Variants in GRAP2 observed in about 807,000 individuals in gnomAD.
GRAP2 encodes GRB2 related adaptor protein 2.
Under a neutral mutation model 43.5 loss-of-function variants are expected in GRAP2, and 31 were observed. The ratio of observed to expected loss-of-function variants is 0.71; its 90% confidence interval spans 0.54 to 0.96. GRAP2 has a LOEUF of 0.96. GRAP2 is among the 40% of genes least tolerant of loss of function. The pLI is 0.00. For missense variants in GRAP2, 371 were observed against 424.4 expected, an observed-to-expected ratio of 0.87 and a Z score of 1.11; for synonymous variants, 156 against 164.8, an observed-to-expected ratio of 0.95 and a Z score of 0.41.
chr22:39,969,614 C>T (rs1190506105), intron 7 of GRAP2, 81 bp downstream of exon 7: 5 of 1,475,538 alleles, frequency 3.4e-6, no homozygotes, highest in Non-Finnish European at 4.7e-6. Flanking sequence ...GCAGGAGAGA[C>T]TCAAACCACA....
chr22:39,902,207 G>A lies in GRAP2; in HGVS notation c.-15+877G>A, dbSNP rs150661689. Among the ~76,000 whole-genome samples the A allele has an allele frequency of 3.0e-4, 46 of 152,274 alleles. 1 individual carries two copies. The highest frequency in any genetic ancestry group is 1.0e-3 in the African/African-American group (43 of 41,552). On this transcript the variant is annotated intron_variant, in intron 1 of 7. Coordinates refer to ENST00000344138, the MANE Select transcript of GRAP2 (RefSeq NM_004810.4). ...AATGGGAAAAATTTCGTGTGTTCTC[G>A]TTATGTTATCTGAGGATGGGAAACT...
chr22:39,905,954 A>G (rs2066520084), intron 1 of GRAP2, among the ~76,000 whole-genome samples: 1 of 152,228 alleles, frequency 6.6e-6, no homozygotes, highest in Admixed American at 6.5e-5. Flanking sequence ...ATTCATCTGA[A>G]TAAGAACAGC....
At chr22:39,960,415 T>C in intron 4 of GRAP2, 1 of 462,792 alleles carries the variant, frequency 2.2e-6, no homozygotes. Context: ...TGCCTCCCCT[T>C]CTAGCCCAGG....
Position 39,912,950 on chromosome 22 carries a change from T to G in GRAP2, c.-15+11620T>G, listed in dbSNP as rs561074716. ...GCTCACACCTGTAATCCCAGCACTT[T>G]GGGTGTCCGAGGCGGGTGGATCATC... On this transcript the variant is annotated intron_variant, in intron 1 of 7. Transcript: ENST00000344138. Among the ~76,000 whole-genome samples, 7 of 152,072 alleles carry G rather than the reference T, an allele frequency of 4.6e-5. 1 individual carries two copies. In the South Asian group the frequency reaches 1.5e-3, roughly 32 times the overall value.
At chr22:39,959,879 C>G (rs2067098385) in intron 3 of GRAP2, among the ~76,000 whole-genome samples, 176 bp from the exon 4 acceptor site, 1 of 152,194 alleles carries the variant, frequency 6.6e-6, no homozygotes, top group Non-Finnish European at 1.5e-5. Context: ...GCTCCCTCGC[C>G]TTTCCTGAAA....
intron 1 of GRAP2, among the ~76,000 whole-genome samples, chr22:39,943,320 T>C (rs2066889156): frequency 6.6e-6 from 1 of 152,198 alleles, no homozygotes; most frequent in African/African-American, 2.4e-5. Flanking sequence ...TTTAAGATTT[T>C]TTTGGTAGTA....
intron 2 of GRAP2, chr22:39,947,747 G>T (rs2066939087): frequency 6.5e-6 from 1 of 153,324 alleles, no homozygotes; most frequent in South Asian, 2.0e-4. Flanking sequence ...TTTAAAGCTT[G>T]TCCTCATCCT....
chr22:39,932,775 A>C (rs1036068732), intron 1 of GRAP2, among the ~76,000 whole-genome samples: 1 of 152,078 alleles, frequency 6.6e-6, no homozygotes, highest in Non-Finnish European at 1.5e-5. Context: ...AGTGCCTACT[A>C]TGTGCCAGAC....
chr22:39,932,014 A>T (rs1021612421), intron 1 of GRAP2, among the ~76,000 whole-genome samples: 6 of 152,172 alleles, frequency 3.9e-5, no homozygotes, highest in African/African-American at 7.2e-5. Context: ...AACCTTCACT[A>T]GAACATCTAA....
At chr22:39,962,373 A>G (rs2067128341) in intron 4 of GRAP2, among the ~76,000 whole-genome samples, 1 of 152,146 alleles carries the variant, frequency 6.6e-6, no homozygotes, top group Non-Finnish European at 1.5e-5. Context: ...GTGAGCCAAG[A>G]TCGATCGCAC....
intron 5 of GRAP2, among the ~76,000 whole-genome samples, 163 bp downstream of exon 5, chr22:39,966,321 G>A (rs576842201): frequency 1.3e-4 from 20 of 152,138 alleles, no homozygotes; most frequent in Non-Finnish European, 2.8e-4. Context: ...CTTCCTAGTC[G>A]TGTGACTTTG....
intron 1 of GRAP2, among the ~76,000 whole-genome samples, chr22:39,936,937 C>T (rs2066812887): frequency 6.6e-6 from 1 of 152,140 alleles, no homozygotes; most frequent in African/African-American, 2.4e-5. Context: ...GGACAGCCAC[C>T]CAGGAAGGTT....
chr22:39,959,803 C>T (rs949739267), intron 3 of GRAP2, among the ~76,000 whole-genome samples: 2 of 152,202 alleles, frequency 1.3e-5, no homozygotes, highest in East Asian at 1.9e-4. Context: ...TTCCATGATT[C>T]GTTTCCCAGG....
chr22:39,911,081 T>G (rs892572928), intron 1 of GRAP2, among the ~76,000 whole-genome samples: 16 of 152,122 alleles, frequency 1.1e-4, no homozygotes, highest in African/African-American at 3.9e-4. Context: ...TATGCGACAA[T>G]GAGTTCGATG....
At position 39,968,052 on chromosome 22, in the gene GRAP2, G is replaced by T; in HGVS notation, c.470G>T (p.Gly157Val). 1 of 1,612,364 alleles carries T rather than the reference G, an allele frequency of 6.2e-7. No homozygotes were observed. The highest frequency in any genetic ancestry group is 1.1e-5 in the South Asian group (1 of 90,752). ...TGTTCTTTCTCCCAGGGTCACCGGG[G>T]CAACAGCCTGGACCGGAGGTCCCAG... is the stretch of plus-strand genomic sequence containing the variant. Reference protein sequence around the residue: ...DRTREDQGHRGNSLDRRSQGG... With the variant: ...DRTREDQGHRVNSLDRRSQGG... Residue 157 changes from glycine (G) to valine (V), a missense_variant, in exon 6 of 8, where the codon GGC becomes GTC. Transcript: ENST00000344138.
At chr22:39,954,786 G>A (rs1306424453) in intron 2 of GRAP2, among the ~76,000 whole-genome samples, 3 of 152,198 alleles carry the variant, frequency 2.0e-5, no homozygotes, top group African/African-American at 4.8e-5. Flanking sequence ...GCCACATACA[G>A]TCAAGTCTGG....
intron 1 of GRAP2, among the ~76,000 whole-genome samples, chr22:39,940,871 T>G (rs960748234): frequency 3.9e-5 from 6 of 152,172 alleles, no homozygotes; most frequent in Non-Finnish European, 1.5e-5. Flanking sequence ...TGAGAGACAA[T>G]GAAGACAATC....
At chr22:39,946,606 T>A (rs1205735000) in intron 1 of GRAP2, among the ~76,000 whole-genome samples, 1 of 152,214 alleles carries the variant, frequency 6.6e-6, no homozygotes, top group African/African-American at 2.4e-5. Flanking sequence ...CAATGCTGTC[T>A]AATTCTCTTA....
intron 1 of GRAP2, among the ~76,000 whole-genome samples, chr22:39,909,471 T>A (rs1017510995): frequency 1.4e-4 from 21 of 152,234 alleles, no homozygotes; most frequent in Admixed American, 9.2e-4. Context: ...GGTGTTATTA[T>A]TATCAAGAAA....
Sources: gnomAD v4.1 joint callset for allele counts (sites outside exome capture counted in the v4.1 genomes callset) on GRCh38, gnomAD v4.1.1 for gene constraint, MANE v1.5 for transcripts, NCBI Gene and HGNC (gene_info 2026-07-23, HGNC 2026-07-21) for gene names.